The following APIP variants were observed in gnomAD, a reference collection of about 807,000 sequenced individuals.
APIP encodes the protein methylthioribulose-1-phosphate dehydratase.
Under a neutral mutation model 32.0 loss-of-function variants are expected in APIP, and 32 were observed. The ratio of observed to expected loss-of-function variants is 1.00; its 90% CI spans 0.76 to 1.34. APIP has a LOEUF of 1.34. Ranked by LOEUF, APIP falls within the 40% of genes most tolerant of loss-of-function variation. The pLI is 0.00. For synonymous variants in APIP, 92 were observed against 94.8 expected (o/e 0.97, Z 0.17); for missense variants, 247 against 298.6 (o/e 0.83, Z 1.27).
intron 1 of APIP, among the ~76,000 whole-genome samples, chr11:34,901,627 T>TG (rs1479518258): frequency 6.6e-6 from 1 of 152,170 alleles, no homozygotes; most frequent in African/African-American, 2.4e-5. Context: ...TACCTGCAGA[T>TG]GGGGGGACCT....
chr11:34,907,660 T>G (rs936179404), intron 1 of APIP, among the ~76,000 whole-genome samples: 3 of 152,198 alleles, frequency 2.0e-5, no homozygotes, highest in Non-Finnish European at 4.4e-5. Flanking sequence ...TGGTATCTAG[T>G]TCTCTCCTGA....
intron 1 of APIP, among the ~76,000 whole-genome samples, chr11:34,902,493 G>A (rs1853384116): frequency 6.6e-6 from 1 of 151,510 alleles, no homozygotes; most frequent in Non-Finnish European, 1.5e-5. Flanking sequence ...GATTAGTACT[G>A]TCCAAGGGGA....
intron 1 of APIP, among the ~76,000 whole-genome samples, chr11:34,908,236 A>G (rs1443050089): frequency 3.3e-5 from 5 of 152,230 alleles, no homozygotes; most frequent in Admixed American, 1.3e-4. Context: ...CATGAACAAC[A>G]ATCACCTGCG....
chr11:34,898,784 TGG>T (rs1565136750), intron 1 of APIP, among the ~76,000 whole-genome samples: 2 of 121,224 alleles, frequency 1.6e-5, no homozygotes, highest in African/African-American at 3.8e-5. Context: ...TTTCTTTCTT[TGG>T]TTTTTTTTTT....
chr11:34,894,161 C>T (rs896394360), intron 2 of APIP, among the ~76,000 whole-genome samples: 2 of 152,122 alleles, frequency 1.3e-5, no homozygotes, highest in African/African-American at 4.8e-5. Context: ...ATAAATGACA[C>T]TAAATAAATA....
chr11:34,885,166 A>C (rs1304584726), intron 5 of APIP, among the ~76,000 whole-genome samples: 1 of 148,298 alleles, frequency 6.7e-6, no homozygotes, highest in Admixed American at 6.8e-5. Flanking sequence ...ATAGGTATAC[A>C]TGTATAACTA....
intron 1 of APIP, among the ~76,000 whole-genome samples, chr11:34,912,089 A>T (rs992043529): frequency 6.6e-6 from 1 of 152,174 alleles, no homozygotes; most frequent in African/African-American, 2.4e-5. Context: ...TTCAAGGGCC[A>T]GTCAGTAGGG....
At chr11:34,888,100 TA>T (rs926614654) in intron 5 of APIP, among the ~76,000 whole-genome samples, 192 bp downstream of exon 5, 1 of 152,022 alleles carries the variant, frequency 6.6e-6, no homozygotes, top group African/African-American at 2.4e-5. Context: ...ATGGCTGGGG[TA>T]GGGGCGGGAG....
chr11:34,903,189 CATG>C lies in APIP; in HGVS notation c.58-8082_58-8080del, dbSNP rs1853394424. Among the ~76,000 whole-genome samples, 5 of 152,328 alleles carry C rather than the reference CATG, an allele frequency of 3.3e-5. No homozygotes were observed. In the South Asian group the frequency reaches 1.0e-3, roughly 32 times the overall value. On this transcript the variant is annotated intron_variant, in intron 1 of 6. Coordinates refer to ENST00000395787, the MANE Select transcript of APIP (RefSeq NM_015957.4). ...CCCCAAGGAAACTGGGGAAACTGTG[CATG>C]ATTATGAACAAGTCATAGTACAGAC...
chr11:34,908,761 G>C (rs1853495611), intron 1 of APIP, among the ~76,000 whole-genome samples: 1 of 152,192 alleles, frequency 6.6e-6, no homozygotes, highest in African/African-American at 2.4e-5. Context: ...AGGACGGTGG[G>C]AGTATATGCT....
intron 1 of APIP, among the ~76,000 whole-genome samples, chr11:34,910,106 T>C (rs891432709): frequency 1.3e-5 from 2 of 152,174 alleles, no homozygotes; most frequent in Non-Finnish European, 2.9e-5. Context: ...TAAGTGACGA[T>C]TTGAGGTTGA....
intron 1 of APIP, among the ~76,000 whole-genome samples, chr11:34,908,414 T>C (rs1853490516): frequency 6.6e-6 from 1 of 152,244 alleles, no homozygotes; most frequent in South Asian, 2.1e-4. Context: ...TCATACTTTC[T>C]CTCTGTCCTT....
chr11:34,896,341 G>C (rs1055696259), intron 1 of APIP, among the ~76,000 whole-genome samples: 2 of 152,208 alleles, frequency 1.3e-5, no homozygotes, highest in African/African-American at 4.8e-5. Flanking sequence ...ATCAATGATA[G>C]AATGGATAAA....
chr11:34,906,562 T>A (rs764077042), intron 1 of APIP, among the ~76,000 whole-genome samples: 2 of 152,128 alleles, frequency 1.3e-5, no homozygotes, highest in Non-Finnish European at 2.9e-5. Context: ...CAACTGTAGG[T>A]ACCATAGAGG....
intron 1 of APIP, among the ~76,000 whole-genome samples, chr11:34,898,896 T>G (rs959453918): frequency 2.1e-5 from 3 of 142,636 alleles, no homozygotes; most frequent in African/African-American, 7.8e-5. Context: ...CCTCCCGGGT[T>G]CACGCCATTC....
At chr11:34,892,936 A>G (rs995072409) in intron 2 of APIP, among the ~76,000 whole-genome samples, 24 of 152,184 alleles carry the variant, frequency 1.6e-4, no homozygotes, top group African/African-American at 5.8e-4. Flanking sequence ...AAAAAAACCA[A>G]CATTTTACTA....
At chr11:34,891,589 A>T (rs1853187240) in intron 2 of APIP, among the ~76,000 whole-genome samples, 1 of 152,164 alleles carries the variant, frequency 6.6e-6, no homozygotes, top group Non-Finnish European at 1.5e-5. Flanking sequence ...GTTGCTAATA[A>T]ACCTGTAGGC....
intron 1 of APIP, among the ~76,000 whole-genome samples, chr11:34,901,730 C>T (rs1565137800): frequency 6.6e-6 from 1 of 152,186 alleles, no homozygotes. Flanking sequence ...AGCATCCATA[C>T]AGCCCCAGGA....
At chr11:34,914,214 T>G (rs1391197349) in intron 1 of APIP, among the ~76,000 whole-genome samples, 1 of 152,258 alleles carries the variant, frequency 6.6e-6, no homozygotes, top group African/African-American at 2.4e-5. Context: ...TATGTCATGT[T>G]GTCATACCAT....
Sources: allele counts gnomAD v4.1 joint callset (sites outside exome capture counted in the v4.1 genomes callset), GRCh38; gene constraint gnomAD v4.1.1; transcripts MANE v1.5; gene names NCBI Gene and HGNC (gene_info 2026-07-23, HGNC 2026-07-21).